The following AK4 variants were observed in gnomAD, a reference collection of about 807,000 sequenced individuals.
The protein encoded by AK4 is adenylate kinase 4, mitochondrial.
A neutral mutation model predicts 24.6 loss-of-function variants in AK4; 13 were observed. The ratio of observed to expected loss-of-function variants is 0.53; its 90% CI spans 0.34 to 0.84. The LOEUF (loss-of-function observed/expected upper bound fraction) is 0.84, where lower values mean the gene tolerates loss of function less well. Among genes scored for constraint, AK4 ranks in the 40% least tolerant of loss-of-function variants. The pLI, the probability that AK4 is intolerant of heterozygous loss-of-function variation, is 0.01. For missense variants in AK4, 192 were observed against 288.2 expected (o/e 0.67, Z 2.42); for synonymous variants, 88 against 107.0 (o/e 0.82, Z 1.10).
At chr1:65,179,446 ATC>A (rs1650826853) in intron 1 of AK4, among the ~76,000 whole-genome samples, 1 of 152,158 alleles carries the variant, frequency 6.6e-6, no homozygotes, top group Non-Finnish European at 1.5e-5. Flanking sequence ...AAGTTACTTA[ATC>A]TCTCTGTGTT....
intron 2 of AK4, among the ~76,000 whole-genome samples, chr1:65,208,406 GT>G (rs1272728213): frequency 2.0e-5 from 3 of 152,180 alleles, no homozygotes; most frequent in African/African-American, 4.8e-5. Context: ...CTTCCAGTTG[GT>G]GATGTGAGTG....
chr1:65,232,104 A>G lies in AK4; in HGVS notation c.*5927A>G, dbSNP rs984882129. On this transcript the variant is annotated 3_prime_UTR_variant, in exon 5 of 5. Coordinates refer to ENST00000327299, the MANE Select transcript of AK4 (RefSeq NM_013410.4). ...CTTGCTTGAAGGTTCATACTTTTCAATTTGATAGAAATAAAGTTTTTTTCT... is the reference window on the plus strand; with the variant it reads ...CTTGCTTGAAGGTTCATACTTTTCAGTTTGATAGAAATAAAGTTTTTTTCT... 2.0e-5 allele frequency: 3 copies of G among 152,174 alleles called. No homozygotes were observed. Among genetic ancestry groups the G allele is most frequent in the Admixed American group, 6.5e-5 (1 of 15,284 alleles). The allele number at this position is 152,174 out of a possible 1,614,324, so 9.4% of individuals were successfully genotyped here. A position where few individuals can be genotyped will look rare whatever the true frequency, so the allele number is the denominator to read the frequency against.
intron 2 of AK4, among the ~76,000 whole-genome samples, chr1:65,197,802 C>G (rs1244117374): frequency 1.3e-5 from 2 of 152,144 alleles, no homozygotes; most frequent in Non-Finnish European, 2.9e-5. Flanking sequence ...CTGACCTTAT[C>G]CTCTCCACAT....
At position 65,231,731 on chromosome 1, in the gene AK4, AG is replaced by A. The variant is rs1266680881; in HGVS notation, c.*5555del. ...ATATTAGGGCTTAAAGGGCTTTTCT[AG>A]TTTTATGAGAATTTGTACTACTGAT... On this transcript the variant is annotated 3_prime_UTR_variant, in exon 5 of 5. Transcript: ENST00000327299. 6.6e-6 allele frequency: 1 copy of A among 152,240 alleles called. No homozygotes were observed. Among genetic ancestry groups the A allele is most frequent in the African/African-American group, 2.4e-5 (1 of 41,464 alleles). The allele number at this position is 152,240 out of a possible 1,614,324, so 9.4% of individuals were successfully genotyped here.
chr1:65,195,832 A>G (rs1326563795), intron 2 of AK4, among the ~76,000 whole-genome samples: 1 of 152,220 alleles, frequency 6.6e-6, no homozygotes, highest in Non-Finnish European at 1.5e-5. Context: ...GTTCACTTCA[A>G]AAATAGCTCT....
chr1:65,197,761 T>C (rs1651528397), intron 2 of AK4, among the ~76,000 whole-genome samples: 1 of 152,192 alleles, frequency 6.6e-6, no homozygotes. Flanking sequence ...TGCGAATGTG[T>C]TTTACCATAC....
chr1:65,152,501 CA>C (rs1476325430), intron 1 of AK4, among the ~76,000 whole-genome samples: 2 of 141,536 alleles, frequency 1.4e-5, no homozygotes, highest in Non-Finnish European at 3.0e-5. Flanking sequence ...CTCCCAGGTT[CA>C]AGCGATTCTT....
intron 2 of AK4, among the ~76,000 whole-genome samples, chr1:65,204,151 G>T (rs1169945601): frequency 6.6e-6 from 1 of 151,756 alleles, no homozygotes; most frequent in African/African-American, 2.4e-5. Context: ...ATGGAAATGT[G>T]TAAGAAGGCA....
chr1:65,181,711 A>G (rs1175675065), intron 1 of AK4, among the ~76,000 whole-genome samples: 3 of 151,930 alleles, frequency 2.0e-5, no homozygotes, highest in African/African-American at 4.8e-5. Flanking sequence ...TATTATTTTT[A>G]TTTTTGGGTT....
chr1:65,156,769 A>G (rs1649997570), intron 1 of AK4, among the ~76,000 whole-genome samples: 1 of 152,010 alleles, frequency 6.6e-6, no homozygotes, highest in Middle Eastern at 3.2e-3. Flanking sequence ...TAAAAATACA[A>G]AAATTAGCCG....
chr1:65,195,704 T>C (rs1255421319), intron 2 of AK4, among the ~76,000 whole-genome samples: 1 of 152,156 alleles, frequency 6.6e-6, no homozygotes, highest in African/African-American at 2.4e-5. Context: ...TGAGCAAATA[T>C]ATGTAAAGTG....
At chr1:65,173,545 T>C (rs1434976306) in intron 1 of AK4, among the ~76,000 whole-genome samples, 1 of 152,166 alleles carries the variant, frequency 6.6e-6, no homozygotes, top group Admixed American at 6.5e-5. Context: ...CCTTTCTGTA[T>C]GACTTCATCC....
intron 1 of AK4, among the ~76,000 whole-genome samples, chr1:65,175,176 A>G (rs1034542016): frequency 5.9e-5 from 9 of 152,200 alleles, no homozygotes; most frequent in Admixed American, 2.0e-4. Flanking sequence ...CTGTTGAAGG[A>G]TGATTGTGTG....
At chr1:65,225,759 C>T (rs111320639) in intron 4 of AK4, among the ~76,000 whole-genome samples, 4 of 152,078 alleles carry the variant, frequency 2.6e-5, no homozygotes, top group African/African-American at 7.2e-5. Flanking sequence ...TTCAGTGGTT[C>T]GCTTTTGAAA....
intron 2 of AK4, among the ~76,000 whole-genome samples, chr1:65,202,557 T>TAATTTA: frequency 1.3e-5 from 2 of 152,184 alleles, no homozygotes; most frequent in African/African-American, 4.8e-5. Flanking sequence ...AATTAGAAGT[T>TAATTTA]GATAAAGTAA....
chr1:65,213,898 A>G (rs969892865), intron 2 of AK4, among the ~76,000 whole-genome samples: 1 of 152,168 alleles, frequency 6.6e-6, no homozygotes, highest in Non-Finnish European at 1.5e-5. Context: ...GCGTCCTTAT[A>G]AGAAAAGGAC....
At chr1:65,152,360 CTATA>C (rs1649812696) in intron 1 of AK4, among the ~76,000 whole-genome samples, 397 of 27,816 alleles carry the variant, frequency 0.014, 1 homozygote, top group Middle Eastern at 0.026. Context: ...CTCTCTCTCT[CTATA>C]TATATATATA....
chr1:65,184,431 G>C (rs1651018765), intron 1 of AK4, among the ~76,000 whole-genome samples: 1 of 152,114 alleles, frequency 6.6e-6, no homozygotes, highest in Admixed American at 6.5e-5. Flanking sequence ...TTGTTGGTTT[G>C]TTGTGAAACT....
Position 65,206,033 on chromosome 1 carries a change from C to T in AK4, c.266-12721C>T, listed in dbSNP as rs74699397. ...GGATCGCTGGATACAGATCCCTACACAGATAACCCTTCCTCAGAAGGTCTG... is the reference window on the plus strand; with the variant it reads ...GGATCGCTGGATACAGATCCCTACATAGATAACCCTTCCTCAGAAGGTCTG... On this transcript the variant is annotated intron_variant, in intron 2 of 4. Coordinates refer to ENST00000327299, the MANE Select transcript of AK4 (RefSeq NM_013410.4). Among the ~76,000 whole-genome samples the T allele has an allele frequency of 3.6e-3, 540 of 152,042 alleles. 7 individuals are homozygous for T. The East Asian group carries it at 0.038, about 11-fold the overall frequency.
Sources: allele counts gnomAD v4.1 joint callset (sites outside exome capture counted in the v4.1 genomes callset), GRCh38; gene constraint gnomAD v4.1.1; transcripts MANE v1.5; gene names NCBI Gene and HGNC (gene_info 2026-07-23, HGNC 2026-07-21).